The following RGS7 variants were observed in gnomAD, a reference collection of about 807,000 sequenced individuals.
The protein encoded by RGS7 is regulator of G protein signaling 7.
A neutral mutation model predicts 81.1 loss-of-function variants in RGS7; 27 were observed. That is an observed-to-expected ratio of 0.33 (90% CI 0.25 to 0.46). RGS7 has a LOEUF of 0.46. RGS7 is among the 20% of genes least tolerant of loss of function. RGS7 has a pLI of 1.00. For synonymous variants in RGS7, 208 were observed against 207.7 expected, an observed-to-expected ratio of 1.00 and a Z score of -0.01; for missense variants, 396 against 607.4, an observed-to-expected ratio of 0.65 and a Z score of 3.66.
intron 2 of RGS7, among the ~76,000 whole-genome samples, chr1:241,190,993 T>TG (rs2072604680): frequency 6.6e-6 from 1 of 152,140 alleles, no homozygotes; most frequent in African/African-American, 2.4e-5. Context: ...TTGCCATTTT[T>TG]TTTTTTTGCG....
intron 14 of RGS7, among the ~76,000 whole-genome samples, chr1:240,808,293 G>C (rs1224847032): frequency 6.6e-6 from 1 of 152,070 alleles, no homozygotes; most frequent in Non-Finnish European, 1.5e-5. Flanking sequence ...CCCCTCTGCT[G>C]GGGCAAGTGC....
intron 6 of RGS7, among the ~76,000 whole-genome samples, chr1:240,930,240 T>G (rs1675187622): frequency 6.8e-6 from 1 of 146,794 alleles, no homozygotes; most frequent in Admixed American, 6.8e-5. Flanking sequence ...TTTTTTTTTT[T>G]GCTTGTAATT....
intron 6 of RGS7, among the ~76,000 whole-genome samples, chr1:240,896,147 A>C (rs1028417857): frequency 4.6e-5 from 7 of 151,920 alleles, no homozygotes; most frequent in African/African-American, 1.7e-4. Flanking sequence ...TTTTTCTTGT[A>C]AGTTTGTTTA....
intron 15 of RGS7, among the ~76,000 whole-genome samples, chr1:240,804,242 G>C (rs1028452652): frequency 6.6e-6 from 1 of 152,142 alleles, no homozygotes; most frequent in African/African-American, 2.4e-5. Flanking sequence ...ATGGGGTGTG[G>C]ATAGTAAGTG....
chr1:241,313,183 T>C (rs1275304835), intron 2 of RGS7, among the ~76,000 whole-genome samples: 1 of 152,256 alleles, frequency 6.6e-6, no homozygotes, highest in Non-Finnish European at 1.5e-5. Context: ...CAAATGCTGA[T>C]GAAGAAGCTG....
intron 3 of RGS7, among the ~76,000 whole-genome samples, chr1:241,007,107 G>A (rs1434227439): frequency 2.0e-5 from 3 of 152,030 alleles, no homozygotes; most frequent in Non-Finnish European, 4.4e-5. Context: ...AGTAGAGACA[G>A]GGTTTCACCA....
In RGS7 at chr1:240,983,082, G is replaced by C. The variant is rs1338519941; in HGVS notation, c.223C>G (p.Pro75Ala). 3.3e-6 allele frequency: 5 copies of C among 1,529,960 alleles called. No individual in the cohort carries two copies. Among genetic ancestry groups the C allele is most frequent in the Non-Finnish European group, 4.5e-6 (5 of 1,107,034 alleles). The allele number at this position is 1,529,960 out of a possible 1,614,324, so 94.8% of individuals were successfully genotyped here. ...WLIKNLTIED[P>A]VEALHLGTLM... The stretch of plus-strand genomic sequence containing the variant: ...AATGGGAAAATGATTTATTTACCTG[G>C]ATCTTCTATAGTTAAGTTCTTTATC... Residue 75 changes from proline to alanine, a missense_variant, in exon 4 of 19, where the codon CCA becomes GCA. Pro to Ala is a conservative substitution (Grantham distance 27, BLOSUM62 -1). Transcript: ENST00000440928.
intron 3 of RGS7, among the ~76,000 whole-genome samples, chr1:241,087,976 C>CTCTA (rs1295851002): frequency 3.2e-5 from 3 of 94,750 alleles, no homozygotes; most frequent in African/African-American, 4.7e-5. Flanking sequence ...CTCTCTCTCT[C>CTCTA]TATATATATA....
intron 3 of RGS7, among the ~76,000 whole-genome samples, chr1:241,050,481 C>A (rs2061189528): frequency 6.6e-6 from 1 of 152,128 alleles, no homozygotes; most frequent in Non-Finnish European, 1.5e-5. Context: ...TGAATGTGGT[C>A]TTTCTTGTAA....
At chr1:240,877,820 A>G (rs1665702384) in intron 6 of RGS7, among the ~76,000 whole-genome samples, 3 of 152,328 alleles carry the variant, frequency 2.0e-5, no homozygotes, top group Admixed American at 6.5e-5. Context: ...TGCACCTTTC[A>G]AGACCTGTGA....
chr1:241,023,906 C>T (rs1259058896), intron 3 of RGS7, among the ~76,000 whole-genome samples: 5 of 152,086 alleles, frequency 3.3e-5, no homozygotes, highest in Non-Finnish European at 7.4e-5. Context: ...CCACCATGCC[C>T]GGCTAATTTT....
chr1:241,120,952 C>T (rs1033996896), intron 2 of RGS7, among the ~76,000 whole-genome samples: 2 of 152,118 alleles, frequency 1.3e-5, no homozygotes, highest in African/African-American at 4.8e-5. Context: ...TGGAGAAAGA[C>T]TCAAGGCGAG....
chr1:241,305,018 C>G (rs7531569), intron 2 of RGS7, among the ~76,000 whole-genome samples: 84,971 of 152,022 alleles, frequency 0.56, 24,525 homozygotes, highest in African/African-American at 0.7. Flanking sequence ...ACTTCAGCTA[C>G]TATATTATTT....
chr1:240,944,575 C>T lies in RGS7; in HGVS notation c.227-7869G>A, dbSNP rs1343592927. ...TTAGTAGGCAGAGGAGTTTCTACAG[C>T]ATGTATTTCTTCAAATCAGAGAGAG... is the stretch of plus-strand genomic sequence containing the variant. On this transcript the variant is annotated intron_variant, in intron 4 of 18. Coordinates refer to ENST00000440928, the MANE Select transcript of RGS7 (RefSeq NM_001364886.1). 2.6e-5 allele frequency among the ~76,000 whole-genome samples: 4 copies of T among 151,844 alleles called. No individual in the cohort carries two copies. The East Asian group carries it at 5.8e-4, about 22-fold the overall frequency.
intron 3 of RGS7, among the ~76,000 whole-genome samples, chr1:240,983,556 T>C (rs1046554328): frequency 1.3e-5 from 2 of 152,220 alleles, no homozygotes; most frequent in African/African-American, 2.4e-5. Context: ...AATTTGTTTT[T>C]GGTTTTCGAA....
intron 3 of RGS7, among the ~76,000 whole-genome samples, chr1:241,004,903 G>C (rs2058604742): frequency 6.6e-6 from 1 of 152,202 alleles, no homozygotes; most frequent in Admixed American, 6.5e-5. Context: ...AGGGATTCTA[G>C]TCTCTGGGGA....
At chr1:241,143,459 C>A (rs780369714) in intron 2 of RGS7, among the ~76,000 whole-genome samples, 23 of 152,308 alleles carry the variant, frequency 1.5e-4, no homozygotes, top group Non-Finnish European at 3.4e-4. Context: ...TCATGTCTTA[C>A]ATGGATGGTG....
intron 4 of RGS7, among the ~76,000 whole-genome samples, chr1:240,980,978 A>G (rs547542045): frequency 3.3e-4 from 51 of 152,320 alleles, no homozygotes; most frequent in African/African-American, 1.2e-3. Context: ...TTTTCCATGC[A>G]CATTATAGCT....
At chr1:240,840,993 T>G in intron 9 of RGS7, among the ~76,000 whole-genome samples, 1 of 152,244 alleles carries the variant, frequency 6.6e-6, no homozygotes, top group East Asian at 1.9e-4. Flanking sequence ...TACCTATAAC[T>G]TAACCTCTTG....
Sources: gnomAD v4.1 joint callset for allele counts (sites outside exome capture counted in the v4.1 genomes callset) on GRCh38, gnomAD v4.1.1 for gene constraint, MANE v1.5 for transcripts, NCBI Gene and HGNC (gene_info 2026-07-23, HGNC 2026-07-21) for gene names.